LINGO2: variants seen among roughly 807,000 people sequenced by gnomAD.
LINGO2 encodes leucine-rich repeat and immunoglobulin-like domain-containing nogo receptor-interacting protein 2.
In LINGO2, 14 loss-of-function variants were observed where a neutral mutation model predicts 30.6. That is an observed-to-expected ratio of 0.46 (90% confidence interval 0.30 to 0.72). The LOEUF is 0.72. LINGO2 is among the 30% of genes least tolerant of loss of function. LINGO2 has a pLI of 0.07. For missense variants in LINGO2, 729 were observed against 751.7 expected (o/e 0.97, Z 0.35); for synonymous variants, 317 against 288.5 (o/e 1.10, Z -1.00).
At chr9:27,992,647 A>C (rs1210477314) in intron 5 of LINGO2, among the ~76,000 whole-genome samples, 5 of 152,146 alleles carry the variant, frequency 3.3e-5, no homozygotes, top group Admixed American at 3.3e-4. Context: ...TATCAATACT[A>C]TAAACACATT....
the LINGO2 span, among the ~76,000 whole-genome samples, chr9:29,153,181 A>T: frequency 6.6e-6 from 1 of 152,192 alleles, no homozygotes; most frequent in Admixed American, 6.5e-5. Flanking sequence ...TTATTTCACC[A>T]CTGTATATTT....
chr9:28,999,965 T>C, the LINGO2 span, among the ~76,000 whole-genome samples: 1 of 151,980 alleles, frequency 6.6e-6, no homozygotes, highest in Non-Finnish European at 1.5e-5. Context: ...TAAATGTACT[T>C]CACCCAACTC....
intron 4 of LINGO2, among the ~76,000 whole-genome samples, chr9:28,285,849 A>G (rs745430203): frequency 6.6e-6 from 1 of 152,176 alleles, no homozygotes; most frequent in Non-Finnish European, 1.5e-5. Context: ...CTGGGATGGC[A>G]GCATTCTAAT....
chr9:28,330,981 T>TA (rs1825398807), intron 3 of LINGO2, among the ~76,000 whole-genome samples: 2 of 152,190 alleles, frequency 1.3e-5, no homozygotes, highest in South Asian at 4.1e-4. Context: ...TCTTAATGGT[T>TA]ATAAACTTAA....
the LINGO2 span, among the ~76,000 whole-genome samples, chr9:28,740,608 T>C: frequency 1.3e-5 from 2 of 151,932 alleles, no homozygotes; most frequent in Non-Finnish European, 2.9e-5. Context: ...CTCTCTTTTT[T>C]CTTCTTTTGT....
At chr9:28,220,049 G>C (rs1820902367) in intron 4 of LINGO2, among the ~76,000 whole-genome samples, 1 of 152,058 alleles carries the variant, frequency 6.6e-6, no homozygotes, top group Non-Finnish European at 1.5e-5. Flanking sequence ...ACACAGTGCA[G>C]TATAACAACA....
the LINGO2 span, among the ~76,000 whole-genome samples, chr9:28,766,790 G>C: frequency 1.5e-5 from 2 of 130,032 alleles, no homozygotes; most frequent in East Asian, 3.9e-4. Context: ...GAGAGAGAGG[G>C]AGAGAGAGAG....
the LINGO2 span, among the ~76,000 whole-genome samples, chr9:28,856,412 C>T: frequency 6.6e-6 from 1 of 151,878 alleles, no homozygotes; most frequent in Admixed American, 6.6e-5. Context: ...ACCTCACAAA[C>T]AAGTATGTTA....
At chr9:29,104,687 C>T in the LINGO2 span, among the ~76,000 whole-genome samples, 3 of 152,036 alleles carry the variant, frequency 2.0e-5, no homozygotes, top group Non-Finnish European at 2.9e-5. Flanking sequence ...CTTGCAGTTA[C>T]GTTCTTTATT....
At chr9:28,091,225 A>C (rs1279185265) in intron 4 of LINGO2, among the ~76,000 whole-genome samples, 1 of 152,200 alleles carries the variant, frequency 6.6e-6, no homozygotes, top group South Asian at 2.1e-4. Context: ...TTTAAAGTTC[A>C]TTAGGAACCA....
At chr9:28,301,014 T>C (rs1023993415) in intron 3 of LINGO2, among the ~76,000 whole-genome samples, 3 of 151,996 alleles carry the variant, frequency 2.0e-5, no homozygotes, top group African/African-American at 7.3e-5. Context: ...CTTCATATAC[T>C]CTGAGTTTTC....
At chr9:28,550,783 A>G (rs897898781) in intron 1 of LINGO2, among the ~76,000 whole-genome samples, 1 of 151,956 alleles carries the variant, frequency 6.6e-6, no homozygotes, top group Admixed American at 6.6e-5. Context: ...AAGGAGTCAT[A>G]TAAAATAATG....
chr9:28,992,024 T>C, the LINGO2 span, among the ~76,000 whole-genome samples: 77,775 of 151,514 alleles, frequency 0.51, 21,018 homozygotes, highest in Non-Finnish European at 0.6. Context: ...AATATTAACT[T>C]TAAATGTAAA....
the LINGO2 span, among the ~76,000 whole-genome samples, chr9:29,080,709 G>A: frequency 6.6e-6 from 1 of 152,120 alleles, no homozygotes; most frequent in Non-Finnish European, 1.5e-5. Flanking sequence ...GTACCCAGTA[G>A]TCATTCAGGA....
intron 1 of LINGO2, among the ~76,000 whole-genome samples, chr9:28,612,161 G>C (rs1019297239): frequency 6.6e-6 from 1 of 152,094 alleles, no homozygotes; most frequent in East Asian, 1.9e-4. Context: ...TCCCAGGTTT[G>C]AGCCATCCTT....
chr9:28,006,239 A>G (rs1005542611), intron 5 of LINGO2, among the ~76,000 whole-genome samples: 4 of 152,198 alleles, frequency 2.6e-5, no homozygotes, highest in Non-Finnish European at 5.9e-5. Flanking sequence ...TGTGAAATTG[A>G]AACACAATCA....
the LINGO2 span, among the ~76,000 whole-genome samples, chr9:29,107,334 AT>A: frequency 6.6e-6 from 1 of 152,114 alleles, no homozygotes; most frequent in African/African-American, 2.4e-5. Context: ...GAAAAATAAT[AT>A]TTTTGTACTT....
At chr9:28,479,897 G>A (rs1206291722) in intron 1 of LINGO2, among the ~76,000 whole-genome samples, 56 of 104,400 alleles carry the variant, frequency 5.4e-4, no homozygotes, top group African/African-American at 1.9e-3. Context: ...GTGTGTATGT[G>A]TATATATACG....
intron 4 of LINGO2, among the ~76,000 whole-genome samples, chr9:28,084,396 G>T (rs573745798): frequency 9.2e-5 from 14 of 152,124 alleles, no homozygotes; most frequent in African/African-American, 3.4e-4. Flanking sequence ...TAATAAATAC[G>T]AATTGGATGA....
Sources: gnomAD v4.1 joint callset for allele counts (sites outside exome capture counted in the v4.1 genomes callset) on GRCh38, gnomAD v4.1.1 for gene constraint, MANE v1.5 for transcripts, NCBI Gene and HGNC (gene_info 2026-07-23, HGNC 2026-07-21) for gene names.